Variants in DNAH14 observed in about 807,000 individuals in gnomAD.
DNAH14 encodes the protein axonemal beta dynein heavy chain 14.
Under a neutral mutation model 520.9 loss-of-function variants are expected in DNAH14, and 478 were observed. The ratio of observed to expected loss-of-function variants is 0.92; its 90% CI spans 0.85 to 0.99. The LOEUF is 0.99. Among genes scored for constraint, DNAH14 ranks in the 50% least tolerant of loss-of-function variants. The pLI is 0.00. For missense variants in DNAH14, 4,831 were observed against 5,234.5 expected, an observed-to-expected ratio of 0.92 and a Z score of 2.38; for synonymous variants, 1,581 against 1,757.2, an observed-to-expected ratio of 0.90 and a Z score of 2.51.
In DNAH14 at chr1:224,968,890, TGA is replaced by T. The variant is rs778502249; in HGVS notation, c.767+17_767+18del. On this transcript the variant is annotated intron_variant, in intron 7 of 85. Transcript: ENST00000682510. Reference sequence around the variant, plus strand: ...CTGATTTCCGGTGAGGTGAAAAAAATGAAACCAATTCTTTGTAGTTTGATCCT... The same window carrying T: ...CTGATTTCCGGTGAGGTGAAAAAAATAACCAATTCTTTGTAGTTTGATCCT... 5 of 1,502,596 alleles carry T rather than the reference TGA, an allele frequency of 3.3e-6. No homozygotes were observed. The highest frequency in any genetic ancestry group is 4.5e-6 in the Non-Finnish European group (5 of 1,109,816). The allele number at this position is 1,502,596 out of a possible 1,614,324, so 93.1% of individuals were successfully genotyped here. A position where few individuals can be genotyped will look rare whatever the true frequency, so the allele number is the denominator to read the frequency against.
intron 36 of DNAH14, among the ~76,000 whole-genome samples, chr1:225,182,639 C>A (rs1018760762): frequency 6.6e-6 from 1 of 152,052 alleles, no homozygotes; most frequent in African/African-American, 2.4e-5. Context: ...AGCACGGAGC[C>A]CAGGGAAAGA....
chr1:225,022,818 A>G (rs761748829), intron 10 of DNAH14, among the ~76,000 whole-genome samples: 1 of 152,228 alleles, frequency 6.6e-6, no homozygotes, highest in Non-Finnish European at 1.5e-5. Flanking sequence ...CACTATTCAC[A>G]ATAGCAAAGA....
intron 55 of DNAH14, among the ~76,000 whole-genome samples, chr1:225,295,261 G>T (rs571197885): frequency 6.6e-6 from 1 of 151,996 alleles, no homozygotes; most frequent in South Asian, 2.1e-4. Context: ...TTATTTTGCT[G>T]TGATTTTTAT....
chr1:225,351,727 C>T lies in DNAH14; in HGVS notation c.11377C>T (p.His3793Tyr), dbSNP rs1003948003. 5.8e-6 allele frequency: 9 copies of T among 1,551,208 alleles called. No homozygotes were observed. The highest frequency in any genetic ancestry group is 7.0e-6 in the Non-Finnish European group (8 of 1,146,762). ...RWRQCQYVSTHLEPFSLLCKS... is the reference protein window; with the variant it reads ...RWRQCQYVSTYLEPFSLLCKS... ...GAGGCAGTGCCAATATGTCAGCACT[C>T]ACCTGGAACCATTTTCACTTCTGTG... Residue 3793 changes from histidine (H) to tyrosine (Y), a missense_variant, in exon 72 of 86, where the codon CAC (histidine) becomes TAC (tyrosine). Coordinates refer to ENST00000682510, the MANE Select transcript of DNAH14 (RefSeq NM_001367479.1).
chr1:225,209,855 A>T (rs2088116489), intron 41 of DNAH14, among the ~76,000 whole-genome samples: 4 of 152,164 alleles, frequency 2.6e-5, no homozygotes, highest in African/African-American at 7.2e-5. Flanking sequence ...AAGGGCGAGC[A>T]GAAGCAGGGT....
rs1245525757 is a variant in DNAH14 at position 225,289,919 on chromosome 1, C to T, written c.8306C>T (p.Ala2769Val). The T allele has an allele frequency of 8.9e-6, 13 of 1,456,796 alleles. No individual in the cohort carries two copies. The highest frequency in any genetic ancestry group is 1.1e-5 in the Non-Finnish European group (12 of 1,096,526). The allele number at this position is 1,456,796 out of a possible 1,614,324, so 90.2% of individuals were successfully genotyped here. The change falls in exon 55 of 86, where the codon GCA becomes GTA. Residue 2769 changes from alanine (A) to valine (V), a missense_variant. Coordinates refer to ENST00000682510, the MANE Select transcript of DNAH14 (RefSeq NM_001367479.1). ...GATGGATGTGGGAAAAAAACATGTG[C>T]AACCTTGGCCTGTTATTTGACAGAT... Reference protein sequence around the residue: ...GIDGCGKKTCATLACYLTDNK... With the variant: ...GIDGCGKKTCVTLACYLTDNK...
At chr1:225,283,775 T>C (rs756954743) in intron 54 of DNAH14, among the ~76,000 whole-genome samples, 21 of 152,144 alleles carry the variant, frequency 1.4e-4, no homozygotes, top group Non-Finnish European at 2.5e-4. Context: ...AGAGACCGAA[T>C]GCCAAGCCAT....
intron 36 of DNAH14, among the ~76,000 whole-genome samples, chr1:225,172,068 A>T (rs918740648): frequency 5.3e-5 from 8 of 152,048 alleles, no homozygotes; most frequent in African/African-American, 1.9e-4. Flanking sequence ...ATTCAACACC[A>T]CTTCATGCTA....
At chr1:225,047,996 AT>A (rs1449734914) in intron 15 of DNAH14, among the ~76,000 whole-genome samples, 2 of 152,178 alleles carry the variant, frequency 1.3e-5, no homozygotes, top group Non-Finnish European at 2.9e-5. Context: ...ACAGGTACAT[AT>A]CCACCATCAC....
At chr1:225,130,704 A>G (rs1467268968) in intron 27 of DNAH14, among the ~76,000 whole-genome samples, 2 of 142,560 alleles carry the variant, frequency 1.4e-5, no homozygotes, top group African/African-American at 2.8e-5. Flanking sequence ...TAGCATTAGG[A>G]GATATACCTA....
intron 31 of DNAH14, among the ~76,000 whole-genome samples, chr1:225,148,827 A>G (rs2080209167): frequency 1.3e-5 from 2 of 152,046 alleles, no homozygotes; most frequent in Admixed American, 6.6e-5. Flanking sequence ...AAAGTTGCTT[A>G]TAGATTCTGG....
intron 84 of DNAH14, chr1:225,395,592 CA>C (rs1192831168): frequency 0.034 from 3,194 of 95,020 alleles, 56 homozygotes; most frequent in African/African-American, 0.077. Flanking sequence ...ACTCCCGTCT[CA>C]AAAAAAAAAA....
At chr1:225,076,448 T>C (rs1026112463) in intron 17 of DNAH14, among the ~76,000 whole-genome samples, 1 of 152,240 alleles carries the variant, frequency 6.6e-6, no homozygotes, top group Non-Finnish European at 1.5e-5. Context: ...CTCACTTGAT[T>C]TCCTTAGCAC....
At chr1:225,230,471 A>T (rs1181810032) in intron 41 of DNAH14, among the ~76,000 whole-genome samples, 2 of 152,148 alleles carry the variant, frequency 1.3e-5, no homozygotes, top group South Asian at 2.1e-4. Flanking sequence ...TCTTCTGTAC[A>T]CTAAAAGAAG....
chr1:225,169,874 G>A (rs994673176), intron 36 of DNAH14, among the ~76,000 whole-genome samples: 1 of 152,160 alleles, frequency 6.6e-6, no homozygotes, highest in Admixed American at 6.5e-5. Flanking sequence ...AGAGAGAAAG[G>A]TCGGGTTACC....
At chr1:225,032,895 G>C (rs757547786) in intron 11 of DNAH14, among the ~76,000 whole-genome samples, 31 of 151,854 alleles carry the variant, frequency 2.0e-4, no homozygotes, top group South Asian at 4.2e-4. Flanking sequence ...AGAAGTGTTT[G>C]TTCATGTCCT....
intron 1 of DNAH14, among the ~76,000 whole-genome samples, chr1:224,937,668 A>G (rs1176514310): frequency 6.6e-6 from 1 of 152,092 alleles, no homozygotes; most frequent in Non-Finnish European, 1.5e-5. Context: ...CTAAATACCA[A>G]TGACATCCTG....
chr1:225,326,224 A>G (rs532702851), intron 64 of DNAH14, among the ~76,000 whole-genome samples: 6 of 152,352 alleles, frequency 3.9e-5, no homozygotes, highest in African/African-American at 1.2e-4. Context: ...AAATTTGTTC[A>G]AGATCTTAAG....
chr1:225,107,297 G>A (rs1462846762), intron 23 of DNAH14, among the ~76,000 whole-genome samples: 1 of 152,208 alleles, frequency 6.6e-6, no homozygotes, highest in Non-Finnish European at 1.5e-5. Flanking sequence ...ACTGGGGGGT[G>A]CCTCTCAGGC....
Sources: allele counts gnomAD v4.1 joint callset (sites outside exome capture counted in the v4.1 genomes callset), GRCh38; gene constraint gnomAD v4.1.1; transcripts MANE v1.5; gene names NCBI Gene and HGNC (gene_info 2026-07-23, HGNC 2026-07-21).